GRAMD4: variants seen among roughly 807,000 people sequenced by gnomAD.
GRAMD4 encodes GRAM domain containing 4, also known as GRAM domain-containing protein 4.
In GRAMD4, 25 loss-of-function variants were observed where a neutral mutation model predicts 83.9. The observed-to-expected ratio is 0.30, with a 90% confidence interval of 0.22 to 0.42. GRAMD4 has a LOEUF of 0.42. Among genes scored for constraint, GRAMD4 ranks in the 10% least tolerant of loss-of-function variants. GRAMD4 has a pLI of 1.00. For synonymous variants in GRAMD4, 336 were observed against 320.9 expected, an observed-to-expected ratio of 1.05 and a Z score of -0.50; for missense variants, 593 against 788.7, an observed-to-expected ratio of 0.75 and a Z score of 2.97.
At chr22:46,604,137 C>T (rs1300682447) in intron 1 of GRAMD4, among the ~76,000 whole-genome samples, 3 of 152,110 alleles carry the variant, frequency 2.0e-5, no homozygotes, top group Admixed American at 6.5e-5. Flanking sequence ...TCTGTTCATG[C>T]GCCGTTAACA....
intron 1 of GRAMD4, among the ~76,000 whole-genome samples, chr22:46,626,146 C>T (rs1280988281): frequency 6.6e-6 from 1 of 152,180 alleles, no homozygotes; most frequent in Non-Finnish European, 1.5e-5. Context: ...GAGCCGGGGC[C>T]AGGTGGAGCA....
At chr22:46,639,642 G>C (rs192894268) in intron 3 of GRAMD4, among the ~76,000 whole-genome samples, 3 of 152,058 alleles carry the variant, frequency 2.0e-5, no homozygotes, top group African/African-American at 7.2e-5. Flanking sequence ...CTGTGTGTGC[G>C]TGTGCATGCC....
chr22:46,627,092 C>A, intron 2 of GRAMD4, 131 bp downstream of exon 2: 1 of 658,900 alleles, frequency 1.5e-6, no homozygotes. Flanking sequence ...GCCTGACTCT[C>A]TGTCTCACCT....
At chr22:46,596,605 C>T (rs1180315297) in intron 1 of GRAMD4, among the ~76,000 whole-genome samples, 2 of 152,200 alleles carry the variant, frequency 1.3e-5, no homozygotes, top group Admixed American at 6.5e-5. Context: ...TGCAGTGGCA[C>T]GATCTCACAA....
rs1186013466 is a variant in GRAMD4, at chr22:46,658,800, GC to G, written c.404+498del. Among the ~76,000 whole-genome samples the G allele has an allele frequency of 2.5e-4, 38 of 149,214 alleles. 1 individual carries two copies. Among genetic ancestry groups the G allele is most frequent in the African/African-American group, 9.1e-4 (36 of 39,408 alleles). The stretch of plus-strand genomic sequence containing the variant: ...CCCTGTCTGCCCCAGCCACGCTGTG[GC>G]CCCCGCCCCCCTGCCCCCATCCTAG... On this transcript the variant is annotated intron_variant, in intron 4 of 18. Coordinates refer to ENST00000406902, the MANE Select transcript of GRAMD4 (RefSeq NM_015124.5).
At chr22:46,627,950 G>A (rs965302330) in intron 2 of GRAMD4, among the ~76,000 whole-genome samples, 3 of 152,364 alleles carry the variant, frequency 2.0e-5, no homozygotes, top group Middle Eastern at 3.4e-3. Flanking sequence ...GTTGGTCCTG[G>A]GGGTGGACCG....
At chr22:46,646,391 T>C (rs2082073335) in intron 3 of GRAMD4, among the ~76,000 whole-genome samples, 1 of 152,206 alleles carries the variant, frequency 6.6e-6, no homozygotes, top group African/African-American at 2.4e-5. Flanking sequence ...TCGAAGAAGC[T>C]GGCAGGAGGG....
intron 2 of GRAMD4, among the ~76,000 whole-genome samples, chr22:46,631,989 C>T (rs1348538773): frequency 2.0e-5 from 3 of 152,014 alleles, no homozygotes; most frequent in African/African-American, 4.8e-5. Context: ...TCCTGGGGAC[C>T]GGGGATGGGT....
At chr22:46,675,855 C>A (rs1233738290) in intron 17 of GRAMD4, among the ~76,000 whole-genome samples, 45 of 152,358 alleles carry the variant, frequency 3.0e-4, no homozygotes, top group Middle Eastern at 3.4e-3. Context: ...GGGACCCTCC[C>A]CATAAAGAAA....
chr22:46,668,598 G>T, intron 11 of GRAMD4, 91 bp from the exon 12 acceptor site: 1 of 1,198,804 alleles, frequency 8.3e-7, no homozygotes, highest in Non-Finnish European at 1.2e-6. Context: ...TGACCTCAGG[G>T]CTGCCCGACC....
intron 2 of GRAMD4, among the ~76,000 whole-genome samples, chr22:46,632,143 C>A (rs1167497333): frequency 6.6e-6 from 1 of 152,192 alleles, no homozygotes; most frequent in Non-Finnish European, 1.5e-5. Context: ...AGAACCCAGA[C>A]CTGCTTGGGA....
chr22:46,646,086 G>A lies in GRAMD4; in HGVS notation c.283+8126G>A, dbSNP rs984138212. Among the ~76,000 whole-genome samples, 4 of 152,206 alleles carry A rather than the reference G, an allele frequency of 2.6e-5. No homozygotes were observed. The South Asian group carries it at 8.3e-4, about 31-fold the overall frequency. On this transcript the variant is annotated intron_variant, in intron 3 of 18. Coordinates refer to ENST00000406902, the MANE Select transcript of GRAMD4 (RefSeq NM_015124.5). ...GCTGTGTAGGGGAGCCCTCGTGACT[G>A]CCTTTCTTCTTCCTGTGTTGCTGGA...
chr22:46,673,129 C>A (rs116484910), intron 14 of GRAMD4, 132 bp downstream of exon 14: 87,380 of 771,244 alleles, frequency 0.11, 5,384 homozygotes, highest in Middle Eastern at 0.18. Context: ...ACTCCTTAAA[C>A]TTGAGGGTTT....
intron 1 of GRAMD4, among the ~76,000 whole-genome samples, chr22:46,624,318 C>G (rs1030246580): frequency 2.0e-4 from 24 of 122,620 alleles, no homozygotes; most frequent in African/African-American, 7.5e-4. Flanking sequence ...ACTAAGTTCC[C>G]TCTTCCTTTT....
rs563979902 is a variant in GRAMD4, at chr22:46,675,540, G to A, written c.1551G>A (p.Thr517=). Residue 517 remains threonine, a synonymous_variant, in exon 17 of 19, where the codon ACG becomes ACA. Transcript: ENST00000406902. ...AAGTCATCAAGCTAGTGGACATCAC[G>A]GACATCCAGAAGGTTGGTGCACCTA... The part of the protein sequence containing the change: ...RNKVIKLVDI[T]DIQKYKVLSV... 21 of 1,609,958 alleles carry A rather than the reference G, an allele frequency of 1.3e-5. No individual in the cohort carries two copies. The highest frequency in any genetic ancestry group is 4.5e-5 in the East Asian group (2 of 44,850).
rs965098259 is a variant in GRAMD4, at chr22:46,665,689, C to T, written c.792C>T (p.Leu264=). The change falls in exon 9 of 19, where the codon CTC becomes CTT. Residue 264 remains leucine (L), a synonymous_variant. Coordinates refer to ENST00000406902, the MANE Select transcript of GRAMD4 (RefSeq NM_015124.5). The part of the protein sequence containing the change: ...FLFLAILRLS[L]NYLIARGWRI... ...TTCTAGCAATTCTGAGGTTATCCCT[C>T]AATTACCTCATCGCCAGGTAGGTGA... The T allele has an allele frequency of 6.3e-7, 1 of 1,581,844 alleles. No homozygotes were observed. Among genetic ancestry groups the T allele is most frequent in the African/African-American group, 1.3e-5 (1 of 74,368 alleles).
At chr22:46,682,147 G>A (rs914266779), downstream of GRAMD4, among the ~76,000 whole-genome samples, 10 of 152,216 alleles carry the variant, frequency 6.6e-5, no homozygotes, top group Admixed American at 4.6e-4. Flanking sequence ...TCGGGTCCAC[G>A]TCAGCTGGAA....
Position 46,679,458 on chromosome 22 carries a change from C to T in GRAMD4, c.*2207C>T, listed in dbSNP as rs993333080. The T allele has an allele frequency of 3.6e-5, 35 of 985,440 alleles. No homozygotes were observed. In the Admixed American group the frequency reaches 3.7e-4, roughly 10 times the overall value. 61.0% of individuals were successfully genotyped at this position (985,440 alleles called of 1,614,324 possible). A position where few individuals can be genotyped will look rare whatever the true frequency, so the allele number is the denominator to read the frequency against. On this transcript the variant is annotated 3_prime_UTR_variant, in exon 19 of 19. Coordinates refer to ENST00000406902, the MANE Select transcript of GRAMD4 (RefSeq NM_015124.5). The stretch of plus-strand genomic sequence containing the variant: ...CCTGGAAGTCCTCGGGAGCGGAGCG[C>T]GGATCGGCACGGGCTCTGGGCTCCC...
At chr22:46,630,325 C>G (rs1196676409) in intron 2 of GRAMD4, among the ~76,000 whole-genome samples, 1 of 152,212 alleles carries the variant, frequency 6.6e-6, no homozygotes, top group Non-Finnish European at 1.5e-5. Flanking sequence ...CGCGCCCGAC[C>G]TGTTGTCTTT....
Sources: allele counts gnomAD v4.1 joint callset (sites outside exome capture counted in the v4.1 genomes callset), GRCh38; gene constraint gnomAD v4.1.1; transcripts MANE v1.5; gene names NCBI Gene and HGNC (gene_info 2026-07-23, HGNC 2026-07-21).